FRMD4B: variants seen among roughly 807,000 people sequenced by gnomAD.
The protein encoded by FRMD4B is FERM domain-containing protein 4B.
Under a neutral mutation model 141.5 loss-of-function variants are expected in FRMD4B, and 74 were observed. The ratio of observed to expected loss-of-function variants is 0.52; its 90% CI spans 0.43 to 0.63. The LOEUF (loss-of-function observed/expected upper bound fraction) is 0.63, where lower values mean the gene tolerates loss of function less well. FRMD4B is among the 30% of genes least tolerant of loss of function. The pLI is 0.00. For missense variants in FRMD4B, 1,366 were observed against 1,253.4 expected (o/e 1.09, Z -1.36); for synonymous variants, 506 against 467.9 (o/e 1.08, Z -1.05).
intron 7 of FRMD4B, among the ~76,000 whole-genome samples, chr3:69,240,499 A>T (rs1019883770): frequency 6.6e-6 from 1 of 151,480 alleles, no homozygotes; most frequent in Non-Finnish European, 1.5e-5. Context: ...AAAAAAAAAA[A>T]AAAAAAAGAA....
intron 7 of FRMD4B, among the ~76,000 whole-genome samples, chr3:69,248,118 A>G (rs973962996): frequency 3.3e-5 from 5 of 151,082 alleles, no homozygotes; most frequent in Admixed American, 3.3e-4. Flanking sequence ...AATGATACTA[A>G]TGGTCTGTAA....
chr3:69,484,260 T>C (rs17685228), intron 1 of FRMD4B, among the ~76,000 whole-genome samples: 29,598 of 152,164 alleles, frequency 0.19, 3,123 homozygotes, highest in Non-Finnish European at 0.23. Context: ...CTCTGTAAGA[T>C]TGACTGCCCG....
At chr3:69,375,313 C>A (rs1250583950) in intron 1 of FRMD4B, among the ~76,000 whole-genome samples, 2 of 151,770 alleles carry the variant, frequency 1.3e-5, no homozygotes, top group Non-Finnish European at 2.9e-5. Flanking sequence ...ATCCATCCTT[C>A]CTTCCATCCA....
chr3:69,187,005 C>T (rs2092775301), intron 19 of FRMD4B, among the ~76,000 whole-genome samples: 1 of 152,138 alleles, frequency 6.6e-6, no homozygotes, highest in African/African-American at 2.4e-5. Flanking sequence ...TGAGAAAATG[C>T]TTGGATTATC....
intron 1 of FRMD4B, chr3:69,334,491 A>G (rs1702478754): frequency 1.3e-5 from 2 of 151,856 alleles, no homozygotes; most frequent in African/African-American, 4.8e-5. Flanking sequence ...AAAAAAATTA[A>G]AAAAATACAA....
At chr3:69,180,829 C>A (rs1382033852) in intron 21 of FRMD4B, 70 bp downstream of exon 21, 17 of 1,080,716 alleles carry the variant, frequency 1.6e-5, no homozygotes, top group Non-Finnish European at 2.2e-5. Flanking sequence ...ATCCGTGAGG[C>A]GGTTTTAGGT....
chr3:69,390,473 G>A (rs370248105), upstream of FRMD4B, among the ~76,000 whole-genome samples: 26 of 152,280 alleles, frequency 1.7e-4, no homozygotes, highest in African/African-American at 4.1e-4. Context: ...TGCTACTGGC[G>A]TCTAGCAGGT....
intron 9 of FRMD4B, among the ~76,000 whole-genome samples, chr3:69,218,598 C>G (rs1253303781): frequency 1.3e-5 from 2 of 152,114 alleles, no homozygotes; most frequent in African/African-American, 2.4e-5. Flanking sequence ...TTTCATAAAG[C>G]TATAGAAAAT....
At chr3:69,249,283 ATGTATCTT>A in intron 6 of FRMD4B, 35 bp from the exon 7 acceptor site, 2 of 1,457,336 alleles carry the variant, frequency 1.4e-6, no homozygotes, top group South Asian at 2.4e-5. Context: ...GTTGATCAAT[ATGTATCTT>A]TGTTAAGCTA....
At chr3:69,292,822 T>TC (rs749643353) in intron 4 of FRMD4B, among the ~76,000 whole-genome samples, 6 of 151,094 alleles carry the variant, frequency 4.0e-5, no homozygotes, top group Non-Finnish European at 8.8e-5. Flanking sequence ...AGCCTTTTTT[T>TC]TTTTTTTTTT....
At chr3:69,297,161 C>G (rs1701060387) in intron 4 of FRMD4B, among the ~76,000 whole-genome samples, 1 of 152,132 alleles carries the variant, frequency 6.6e-6, no homozygotes, top group South Asian at 2.1e-4. Context: ...ATGACGAGGA[C>G]TCACGGGTTG....
intron 7 of FRMD4B, among the ~76,000 whole-genome samples, chr3:69,225,307 T>G (rs2093239508): frequency 6.6e-6 from 1 of 151,832 alleles, no homozygotes; most frequent in African/African-American, 2.4e-5. Flanking sequence ...TCATGTAAGG[T>G]TAGCTATTAT....
chr3:69,503,847 T>C (rs1706546255), intron 1 of FRMD4B, among the ~76,000 whole-genome samples: 1 of 152,140 alleles, frequency 6.6e-6, no homozygotes, highest in African/African-American at 2.4e-5. Context: ...AATTCACCCA[T>C]TACAGCCTCA....
intron 1 of FRMD4B, among the ~76,000 whole-genome samples, chr3:69,321,421 C>T (rs1458141856): frequency 6.6e-6 from 1 of 152,142 alleles, no homozygotes; most frequent in Non-Finnish European, 1.5e-5. Context: ...TGAGAAAGGG[C>T]CTGCTTCATA....
intron 1 of FRMD4B, among the ~76,000 whole-genome samples, chr3:69,467,587 G>A (rs1442216077): frequency 6.6e-6 from 1 of 152,208 alleles, no homozygotes; most frequent in Non-Finnish European, 1.5e-5. Context: ...ACCTGACCTT[G>A]TCAAGCCTCC....
rs1559519814 is a variant in FRMD4B at position 69,410,731 on chromosome 3, AT to A, written c.-1+21902del. Among the ~76,000 whole-genome samples, 455 of 81,400 alleles carry A rather than the reference AT, an allele frequency of 5.6e-3. 8 individuals carry two copies. Among genetic ancestry groups the A allele is most frequent in the African/African-American group, 0.017 (382 of 22,652 alleles). The allele number at this position is 81,400 out of a possible 152,430, so 53.4% of individuals were successfully genotyped here. ...TATAAATAAATAAATAAATAAATAT[AT>A]ATATATATATATATATATATATATA... On this transcript the variant is annotated intron_variant, in intron 2 of 5. Transcript: ENST00000459638.
chr3:69,209,068 T>TG (rs2093051712), intron 11 of FRMD4B, among the ~76,000 whole-genome samples: 1 of 149,504 alleles, frequency 6.7e-6, no homozygotes, highest in African/African-American at 2.5e-5. Flanking sequence ...GGCTCGAACC[T>TG]GGGAGGTGGA....
At chr3:69,250,511 CCT>C (rs1172380037) in intron 5 of FRMD4B, among the ~76,000 whole-genome samples, 1 of 151,870 alleles carries the variant, frequency 6.6e-6, no homozygotes, top group Non-Finnish European at 1.5e-5. Flanking sequence ...ATTTTTTTCC[CCT>C]GTGTTACAGC....
chr3:69,471,615 C>A, intron 1 of FRMD4B: 1 of 185,494 alleles, frequency 5.4e-6, no homozygotes, highest in South Asian at 1.2e-4. Flanking sequence ...CTCTGTTTTC[C>A]TTTTTTCCCC....
Sources: gnomAD v4.1 joint callset for allele counts (sites outside exome capture counted in the v4.1 genomes callset) on GRCh38, gnomAD v4.1.1 for gene constraint, MANE v1.5 for transcripts, NCBI Gene and HGNC (gene_info 2026-07-23, HGNC 2026-07-21) for gene names.